Variants in ADAMTSL1 observed in about 807,000 individuals in gnomAD.
ADAMTSL1 encodes the protein ADAMTS-like protein 1.
In ADAMTSL1, 126 loss-of-function variants were observed where a neutral mutation model predicts 201.8. The observed-to-expected ratio is 0.62, with a 90% CI of 0.54 to 0.72. The LOEUF (loss-of-function observed/expected upper bound fraction) is 0.72. Among genes scored for constraint, ADAMTSL1 ranks in the 30% least tolerant of loss-of-function variants. The probability of loss-of-function intolerance (pLI) is 0.00; values close to 1 mark genes in which losing one functional copy is unlikely to be tolerated. For synonymous variants in ADAMTSL1, 1,121 were observed against 903.4 expected (o/e 1.24, Z -4.32); for missense variants, 2,679 against 2,277.8 (o/e 1.18, Z -3.59).
At chr9:18,555,605 C>T (rs1014763619) in intron 3 of ADAMTSL1, among the ~76,000 whole-genome samples, 1 of 151,822 alleles carries the variant, frequency 6.6e-6, no homozygotes, top group Non-Finnish European at 1.5e-5. Context: ...TGTATTAAGT[C>T]CAAAGATGAA....
At chr9:18,739,436 G>A (rs1413880403) in intron 15 of ADAMTSL1, among the ~76,000 whole-genome samples, 2 of 151,918 alleles carry the variant, frequency 1.3e-5, no homozygotes, top group Non-Finnish European at 2.9e-5. Context: ...AGTGTCCCAG[G>A]GATAAAAGTC....
intron 4 of ADAMTSL1, among the ~76,000 whole-genome samples, chr9:18,619,889 C>T (rs1259216580): frequency 6.6e-6 from 1 of 152,110 alleles, no homozygotes; most frequent in African/African-American, 2.4e-5. Context: ...AGATTAAGTC[C>T]TCTTCAATCC....
At chr9:18,010,487 G>T (rs1928580) in intron 1 of ADAMTSL1, among the ~76,000 whole-genome samples, 41,898 of 151,906 alleles carry the variant, frequency 0.28, 5,891 homozygotes, top group South Asian at 0.3. Context: ...TGGTTTTAAG[G>T]ACCTGTCAGA....
At chr9:18,834,512 TA>T (rs1387516423) in intron 23 of ADAMTSL1, among the ~76,000 whole-genome samples, 1 of 152,170 alleles carries the variant, frequency 6.6e-6, no homozygotes, top group East Asian at 1.9e-4. Flanking sequence ...AAGTTTAAAA[TA>T]TGATGTTTTG....
chr9:18,708,177 G>T (rs521911), intron 14 of ADAMTSL1, among the ~76,000 whole-genome samples: 124,859 of 152,214 alleles, frequency 0.82, 51,506 homozygotes, highest in Admixed American at 0.89. Context: ...ACTTTGAAAA[G>T]GCATCTTTTG....
At chr9:18,195,844 T>C (rs1202727818) in intron 2 of ADAMTSL1, among the ~76,000 whole-genome samples, 2 of 152,144 alleles carry the variant, frequency 1.3e-5, no homozygotes, top group Non-Finnish European at 2.9e-5. Context: ...GTTCATTTGG[T>C]AAGATGTTTA....
intron 2 of ADAMTSL1, among the ~76,000 whole-genome samples, chr9:18,425,876 A>AG: frequency 6.6e-6 from 1 of 151,524 alleles, no homozygotes; most frequent in Non-Finnish European, 1.5e-5. Flanking sequence ...AAAAAAAAAA[A>AG]AAGACGTGTA....
chr9:18,095,243 A>G (rs975747941), intron 1 of ADAMTSL1, among the ~76,000 whole-genome samples: 1 of 152,060 alleles, frequency 6.6e-6, no homozygotes, highest in Non-Finnish European at 1.5e-5. Context: ...CTCACAGCCA[A>G]TAGATCACAC....
At chr9:18,483,553 C>T (rs970026962) in intron 1 of ADAMTSL1, among the ~76,000 whole-genome samples, 6 of 152,162 alleles carry the variant, frequency 3.9e-5, no homozygotes, top group Admixed American at 1.3e-4. Context: ...ATCGGCGTGG[C>T]GCGCTGGCTC....
chr9:18,404,324 A>G (rs1310011889), intron 2 of ADAMTSL1, among the ~76,000 whole-genome samples: 4 of 152,220 alleles, frequency 2.6e-5, no homozygotes, highest in African/African-American at 9.6e-5. Flanking sequence ...CTACCAAACA[A>G]TGATGTGGAA....
intron 23 of ADAMTSL1, among the ~76,000 whole-genome samples, chr9:18,834,169 G>A (rs1825171592): frequency 2.0e-5 from 3 of 152,052 alleles, no homozygotes; most frequent in Admixed American, 2.0e-4. Flanking sequence ...TGGCTATTAG[G>A]GCTTTTTTTG....
At chr9:18,775,140 T>C (rs1820903630) in intron 17 of ADAMTSL1, among the ~76,000 whole-genome samples, 1 of 152,214 alleles carries the variant, frequency 6.6e-6, no homozygotes, top group Non-Finnish European at 1.5e-5. Context: ...ATGGACTATT[T>C]CATTTTAACA....
intron 15 of ADAMTSL1, among the ~76,000 whole-genome samples, chr9:18,724,533 G>A (rs1378209764): frequency 6.6e-6 from 1 of 152,228 alleles, no homozygotes; most frequent in African/African-American, 2.4e-5. Context: ...TTGTGTGCAT[G>A]TAGTGCCTAC....
chr9:18,800,580 T>C (rs1024085768), intron 20 of ADAMTSL1, among the ~76,000 whole-genome samples: 3 of 152,036 alleles, frequency 2.0e-5, no homozygotes, highest in Non-Finnish European at 4.4e-5. Flanking sequence ...CAAGCTTTCA[T>C]AGAACTTACT....
At chr9:18,900,154 A>C (rs1435257325) in intron 26 of ADAMTSL1, among the ~76,000 whole-genome samples, 2 of 152,240 alleles carry the variant, frequency 1.3e-5, no homozygotes, top group African/African-American at 2.4e-5. Flanking sequence ...GAAGACATTC[A>C]TGTGGCCAAC....
intron 1 of ADAMTSL1, among the ~76,000 whole-genome samples, chr9:17,972,601 G>T (rs1818258134): frequency 6.6e-6 from 1 of 151,766 alleles, no homozygotes; most frequent in African/African-American, 2.4e-5. Flanking sequence ...CTTTGCTGTT[G>T]TGAATAGTGC....
intron 2 of ADAMTSL1, among the ~76,000 whole-genome samples, chr9:18,506,402 G>T (rs896008792): frequency 6.6e-6 from 1 of 152,126 alleles, no homozygotes; most frequent in Non-Finnish European, 1.5e-5. Flanking sequence ...TTATAGAGGT[G>T]AGCCAAAACA....
chr9:17,921,740 C>T (rs529608332), intron 1 of ADAMTSL1, among the ~76,000 whole-genome samples: 2 of 151,434 alleles, frequency 1.3e-5, no homozygotes, highest in South Asian at 4.1e-4. Flanking sequence ...GATTTAGTGA[C>T]CCTTTCTGCA....
Position 18,639,303 on chromosome 9 carries a change from C to G in ADAMTSL1, c.726C>G (p.Ser242Arg), listed in dbSNP as rs1390906943. ...LQGTKGENSL[S>R]STGTFLVDNS... ...GGACTAAAGGTGAAAACAGTCTCAG[C>G]TCCACAGGAACTTTCCTTGTGGACA... The change falls in exon 7 of 29, where the codon AGC becomes AGG. Residue 242 changes from serine to arginine, a missense_variant. Physicochemically the swap from Ser to Arg is moderately radical, Grantham distance 110 (BLOSUM62 -1). Coordinates refer to ENST00000380548, the MANE Select transcript of ADAMTSL1 (RefSeq NM_001040272.6). The G allele has an allele frequency of 6.2e-7, 1 of 1,613,054 alleles. No individual in the cohort carries two copies. The highest frequency in any genetic ancestry group is 2.2e-5 in the East Asian group (1 of 44,862).
Sources: allele counts gnomAD v4.1 joint callset (sites outside exome capture counted in the v4.1 genomes callset), GRCh38; gene constraint gnomAD v4.1.1; transcripts MANE v1.5; gene names NCBI Gene and HGNC (gene_info 2026-07-23, HGNC 2026-07-21).